Variants in RPS29 observed in about 807,000 individuals in gnomAD.
The protein encoded by RPS29 is small ribosomal subunit protein uS14.
For missense variants in RPS29, 60 were observed against 75.7 expected, an observed-to-expected ratio of 0.79 and a Z score of 0.77; for synonymous variants, 37 against 26.9, an observed-to-expected ratio of 1.37 and a Z score of -1.16.
chr14:49,578,559 C>CTTTTTTTTTTTTTTT (rs60555753), intron 2 of RPS29, among the ~76,000 whole-genome samples: 6 of 103,462 alleles, frequency 5.8e-5, no homozygotes, highest in African/African-American at 1.2e-4. Context: ...AAAGCTTTCA[C>CTTTTTTTTTTTTTTT]TTTTTTTTTT....
At chr14:49,577,772 G>A (rs1401791602) in exon 3 of RPS29, 9 of 1,544,194 alleles carry the variant, frequency 5.8e-6, no homozygotes, top group Admixed American at 5.1e-5. Context: ...CTTGGGCTTC[G>A]CGAGCGGTCT....
intron 1 of RPS29, 32 bp from the exon 2 acceptor site, chr14:49,586,081 C>G (rs770631247): frequency 6.3e-7 from 1 of 1,590,078 alleles, no homozygotes; most frequent in Non-Finnish European, 8.6e-7. Context: ...TTTTGCAGGT[C>G]ATAGAAATTA....
chr14:49,588,143 A>T (rs1881630339), upstream of RPS29, among the ~76,000 whole-genome samples: 1 of 152,226 alleles, frequency 6.6e-6, no homozygotes, highest in Admixed American at 6.5e-5. Flanking sequence ...TGGTCTCCAC[A>T]ATATTTAAAA....
chr14:49,577,616 T>C (rs1594566977), exon 3 of RPS29: 1 of 698,714 alleles, frequency 1.4e-6, no homozygotes, highest in East Asian at 2.5e-5. Flanking sequence ...TTTTTGTTTC[T>C]CCCATAACCA....
rs930127372 is a variant in RPS29 at position 49,583,785 on chromosome 14, T to C, written c.163-110A>G. 2.3e-5 allele frequency: 16 copies of C among 704,286 alleles called. No homozygotes were observed. The South Asian group carries it at 2.5e-4, about 11-fold the overall frequency. 43.6% of individuals were successfully genotyped at this position (704,286 alleles called of 1,614,324 possible). ...GTTATAGAATTACAGAACTGGACCTTTGACCTATCCAAACCACACCAGATT... is the reference window on the plus strand; with the variant it reads ...GTTATAGAATTACAGAACTGGACCTCTGACCTATCCAAACCACACCAGATT... On this transcript the variant is annotated intron_variant, in intron 2 of 2. Transcript: ENST00000245458.
exon 3 of RPS29, chr14:49,576,554 T>C (rs985720502): frequency 6.6e-5 from 10 of 152,326 alleles, no homozygotes; most frequent in Non-Finnish European, 1.3e-4. Flanking sequence ...TTAAGAACGA[T>C]GTCCTAGCAG....
At chr14:49,572,232 G>T (rs559615081) in exon 3 of RPS29, 10 of 152,404 alleles carry the variant, frequency 6.6e-5, no homozygotes, top group African/African-American at 2.2e-4. Flanking sequence ...TTACAGGTGT[G>T]AGCCACGGCA....
exon 3 of RPS29, chr14:49,576,691 A>C (rs746341008): frequency 2.0e-5 from 3 of 151,894 alleles, no homozygotes; most frequent in Non-Finnish European, 2.9e-5. Flanking sequence ...TAATCCCCAC[A>C]TGTTGTGAGA....
At chr14:49,583,556 T>G (rs950636440), downstream of RPS29, 47 of 1,192,608 alleles carry the variant, frequency 3.9e-5, no homozygotes, top group Admixed American at 9.6e-5. Flanking sequence ...CCAGTCACAT[T>G]AGAACACTCA....
At chr14:49,586,248 C>T (rs887842178) in intron 1 of RPS29, 37 bp downstream of exon 1, 1 of 1,600,750 alleles carries the variant, frequency 6.2e-7, no homozygotes, top group Non-Finnish European at 8.6e-7. Context: ...TAGCGCTCCA[C>T]GGCAACGCTT....
At chr14:49,587,887 AAAGGAAGCGC>A (rs1881624294), upstream of RPS29, among the ~76,000 whole-genome samples, 1 of 152,244 alleles carries the variant, frequency 6.6e-6, no homozygotes. Flanking sequence ...ATGCCTGGTG[AAAGGAAGCGC>A]TTGAGCCAAG....
At chr14:49,583,527 C>A (rs1881407213), downstream of RPS29, 7 of 863,464 alleles carry the variant, frequency 8.1e-6, no homozygotes, top group Admixed American at 3.3e-5. Context: ...AAAAAGATTT[C>A]TATAAACAAT....
intron 2 of RPS29, 83 bp downstream of exon 2, chr14:49,585,867 C>A: frequency 2.9e-6 from 3 of 1,044,492 alleles, no homozygotes. Context: ...CAGGGAAGAT[C>A]TGTCCGTTTG....
downstream of RPS29, among the ~76,000 whole-genome samples, chr14:49,582,012 C>CCAAAAAAAAAAAAAAAAA (rs71115379): frequency 7.5e-4 from 80 of 106,466 alleles, 1 homozygote; most frequent in African/African-American, 3.2e-3. Context: ...CCCTGCCCCC[C>CCAAAAAAAAAAAAAAAAA]AAAAAAAAAA....
At chr14:49,572,174 T>C (rs1267081214) in exon 3 of RPS29, 2 of 152,214 alleles carry the variant, frequency 1.3e-5, no homozygotes, top group African/African-American at 4.8e-5. Context: ...GCTCTCGAAC[T>C]CCTAACCTCA....
chr14:49,578,663 C>A (rs112074209), downstream of RPS29, among the ~76,000 whole-genome samples: 1 of 147,018 alleles, frequency 6.8e-6, no homozygotes, highest in Non-Finnish European at 1.5e-5. Flanking sequence ...CCGGTTCAAG[C>A]GATTCTTGTG....
downstream of RPS29, among the ~76,000 whole-genome samples, chr14:49,582,570 G>A (rs1362084586): frequency 6.6e-6 from 1 of 151,990 alleles, no homozygotes; most frequent in Non-Finnish European, 1.5e-5. Context: ...ATTCAATTGA[G>A]AAGTTTTCAT....
At position 49,586,004 on chromosome 14, in the gene RPS29, G is replaced by A. The variant is rs770225950; in HGVS notation, c.108C>T (p.Leu36=). ...NRHGLIRKYG[L]NMCRQCFRQY... is the part of the protein sequence containing the mutation. ...GACGGAAACACTGGCGGCACATATTGAGGCCATATTTCCGGATCAGACCGT... is the reference window on the plus strand; with the variant it reads ...GACGGAAACACTGGCGGCACATATTAAGGCCATATTTCCGGATCAGACCGT... The change falls in exon 2 of 3, where the codon CTC becomes CTT. Residue 36 remains leucine, a synonymous_variant. Transcript: ENST00000245458. 7.4e-6 allele frequency: 12 copies of A among 1,613,996 alleles called. No homozygotes were observed. Among genetic ancestry groups the A allele is most frequent in the Non-Finnish European group, 9.3e-6 (11 of 1,179,872 alleles).
downstream of RPS29, among the ~76,000 whole-genome samples, chr14:49,582,329 CAG>C (rs1881364389): frequency 6.6e-6 from 1 of 152,172 alleles, no homozygotes; most frequent in Non-Finnish European, 1.5e-5. Context: ...AGGGCTACTA[CAG>C]ACCCTGGCCA....
Sources: gnomAD v4.1 joint callset for allele counts (sites outside exome capture counted in the v4.1 genomes callset) on GRCh38, gnomAD v4.1.1 for gene constraint, MANE v1.5 for transcripts, NCBI Gene and HGNC (gene_info 2026-07-23, HGNC 2026-07-21) for gene names.